The following MOBP variants were observed in gnomAD, a reference collection of about 807,000 sequenced individuals.
The protein encoded by MOBP is myelin associated oligodendrocyte basic protein.
In MOBP, 5 loss-of-function variants were observed where a neutral mutation model predicts 15.0. That is an observed-to-expected ratio of 0.33 (90% CI 0.17 to 0.70). The LOEUF is 0.70. Ranked by LOEUF, MOBP falls within the 30% of genes least tolerant of loss-of-function variation. MOBP has a pLI of 0.67. For missense variants in MOBP, 188 were observed against 257.8 expected (o/e 0.73, Z 1.85); for synonymous variants, 88 against 99.0 (o/e 0.89, Z 0.66).
At chr3:39,468,307 A>G (rs1357247100) in intron 1 of MOBP, among the ~76,000 whole-genome samples, 1 of 152,168 alleles carries the variant, frequency 6.6e-6, no homozygotes, top group Non-Finnish European at 1.5e-5. Context: ...TCTTAGAAAC[A>G]ACAGGGAGTT....
downstream of MOBP, among the ~76,000 whole-genome samples, chr3:39,519,370 G>C (rs2043238983): frequency 1.3e-5 from 2 of 152,108 alleles, no homozygotes. Flanking sequence ...CCAGCTGCCA[G>C]ATTTTGCATT....
intron 1 of MOBP, among the ~76,000 whole-genome samples, chr3:39,477,550 A>G (rs1162623586): frequency 6.6e-6 from 1 of 151,770 alleles, no homozygotes; most frequent in Non-Finnish European, 1.5e-5. Context: ...ATATGTTACT[A>G]GTTTATGTAT....
intron 1 of MOBP, among the ~76,000 whole-genome samples, chr3:39,473,464 A>C (rs981658854): frequency 1.6e-4 from 24 of 152,236 alleles, no homozygotes; most frequent in African/African-American, 5.5e-4. Flanking sequence ...CAGAGTAAGC[A>C]GGAGAGGCGT....
chr3:39,481,128 A>G (rs1003983073), intron 2 of MOBP, among the ~76,000 whole-genome samples: 1 of 152,200 alleles, frequency 6.6e-6, no homozygotes, highest in Non-Finnish European at 1.5e-5. Context: ...GGGTGAACCT[A>G]TCCATCTCCT....
At chr3:39,491,160 C>G (rs535329000) in intron 2 of MOBP, among the ~76,000 whole-genome samples, 3 of 152,238 alleles carry the variant, frequency 2.0e-5, no homozygotes, top group East Asian at 3.9e-4. Flanking sequence ...CACCCTTTCT[C>G]TAGTGTTAGG....
At chr3:39,529,175 T>G (rs2043364244), downstream of MOBP, 1 of 152,054 alleles carries the variant, frequency 6.6e-6, no homozygotes, top group Non-Finnish European at 1.5e-5. Flanking sequence ...AAACAGTATG[T>G]TGGTGAAGGA....
intron 2 of MOBP, among the ~76,000 whole-genome samples, chr3:39,483,504 A>T (rs1559417250): frequency 6.6e-6 from 1 of 152,158 alleles, no homozygotes. Flanking sequence ...AGCTATCACC[A>T]CTCACTAGTT....
chr3:39,499,054 C>T (rs774092700), intron 2 of MOBP, among the ~76,000 whole-genome samples: 5 of 152,104 alleles, frequency 3.3e-5, no homozygotes, highest in Non-Finnish European at 7.3e-5. Context: ...TGACGGGTGC[C>T]TGAGCCGTTT....
At position 39,487,163 on chromosome 3, in the gene MOBP, A is replaced by G. The variant is rs76983570; in HGVS notation, c.-5+7040A>G. ...GCTGTGTTGCCCAGGCTGGTCTCGA[A>G]CTCCATCTTGGACCTCAAATGATTC... is the stretch of plus-strand genomic sequence containing the variant. On this transcript the variant is annotated intron_variant, in intron 2 of 3. Coordinates refer to ENST00000684792, the MANE Select transcript of MOBP (RefSeq NM_001393704.1). Among the ~76,000 whole-genome samples, 207 of 151,332 alleles carry G rather than the reference A, an allele frequency of 1.4e-3. 1 individual carries two copies. Among genetic ancestry groups the G allele is most frequent in the African/African-American group, 4.8e-3 (199 of 41,310 alleles).
chr3:39,506,302 T>C (rs558635894), downstream of MOBP, among the ~76,000 whole-genome samples: 5 of 152,290 alleles, frequency 3.3e-5, no homozygotes, highest in South Asian at 1.0e-3. Context: ...TCCCATTTGC[T>C]CTTCAATTCA....
rs750989978 is a variant in MOBP, at chr3:39,479,519, A to G, written c.-88-521A>G. Among the ~76,000 whole-genome samples, 50 of 152,202 alleles carry G rather than the reference A, an allele frequency of 3.3e-4. No homozygotes were observed. The South Asian group carries it at 6.2e-3, about 19-fold the overall frequency. On this transcript the variant is annotated intron_variant, in intron 1 of 3. Transcript: ENST00000684792. ...GAAAACAGTATTAATATCCTCTGGA[A>G]GTTCTCAATTTAATGCTTTATCAAA...
chr3:39,503,500 A>G (rs1474690951), downstream of MOBP, among the ~76,000 whole-genome samples: 1 of 150,688 alleles, frequency 6.6e-6, no homozygotes, highest in Middle Eastern at 3.3e-3. Context: ...CATAATATGC[A>G]TGTACATGGG....
At chr3:39,491,879 G>A (rs1513220) in intron 2 of MOBP, among the ~76,000 whole-genome samples, 3,339 of 152,310 alleles carry the variant, frequency 0.022, 125 homozygotes, top group African/African-American at 0.076. Context: ...TGTGGGTATG[G>A]TGTAGTAGAA....
intron 1 of MOBP, among the ~76,000 whole-genome samples, chr3:39,479,442 TA>T (rs1341687066): frequency 6.6e-6 from 1 of 151,474 alleles, no homozygotes; most frequent in Non-Finnish European, 1.5e-5. Flanking sequence ...TATGTATTAA[TA>T]AGGAATGGGA....
Position 39,495,006 on chromosome 3 carries a change from C to T in MOBP, c.-4-7060C>T, listed in dbSNP as rs111476999. On this transcript the variant is annotated intron_variant, in intron 2 of 3. Coordinates refer to ENST00000684792, the MANE Select transcript of MOBP (RefSeq NM_001393704.1). ...CTCCTCTGGTATTTTTGCTCCACCA[C>T]CTCACAGGAAGTGGCTTCACCTGTG... Among the ~76,000 whole-genome samples, 11 of 152,114 alleles carry T rather than the reference C, an allele frequency of 7.2e-5. No homozygotes were observed. In the South Asian group the frequency reaches 2.3e-3, roughly 32 times the overall value.
At chr3:39,503,101 GT>G, downstream of MOBP, 1 of 485,898 alleles carries the variant, frequency 2.1e-6, no homozygotes. Flanking sequence ...CATTGCTTCC[GT>G]TGTCTAATAG....
At chr3:39,481,427 A>G (rs1336165297) in intron 2 of MOBP, among the ~76,000 whole-genome samples, 2 of 152,086 alleles carry the variant, frequency 1.3e-5, no homozygotes, top group Admixed American at 1.3e-4. Context: ...TGTGCTCTGC[A>G]CTCTAGCTCC....
intron 2 of MOBP, among the ~76,000 whole-genome samples, chr3:39,494,348 TC>T (rs1354720769): frequency 5.9e-5 from 9 of 152,206 alleles, no homozygotes; most frequent in African/African-American, 2.2e-4. Context: ...TGTTTTCCTT[TC>T]TTTGGATCCT....
intron 1 of MOBP, among the ~76,000 whole-genome samples, chr3:39,478,307 C>T (rs1330877826): frequency 6.6e-6 from 1 of 152,126 alleles, no homozygotes; most frequent in Non-Finnish European, 1.5e-5. Flanking sequence ...TTACAGTTGC[C>T]TACAGTATTC....
Sources: gnomAD v4.1 joint callset for allele counts (sites outside exome capture counted in the v4.1 genomes callset) on GRCh38, gnomAD v4.1.1 for gene constraint, MANE v1.5 for transcripts, NCBI Gene and HGNC (gene_info 2026-07-23, HGNC 2026-07-21) for gene names.